Variants in ATP10B observed in about 807,000 individuals in gnomAD.
ATP10B encodes phospholipid-transporting ATPase VB.
In ATP10B, 122 loss-of-function variants were observed where a neutral mutation model predicts 141.2. That is an observed-to-expected ratio of 0.86 (90% CI 0.75 to 1.00). ATP10B has a LOEUF of 1.00. Among genes scored for constraint, ATP10B ranks in the 50% least tolerant of loss-of-function variants. The pLI is 0.00. For missense variants in ATP10B, 1,876 were observed against 1,825.3 expected (o/e 1.03, Z -0.51); for synonymous variants, 685 against 692.0 (o/e 0.99, Z 0.16).
intron 24 of ATP10B, among the ~76,000 whole-genome samples, chr5:160,572,766 G>C (rs1354858321): frequency 1.3e-5 from 2 of 152,200 alleles, no homozygotes; most frequent in East Asian, 3.8e-4. Context: ...GTTTTTAAAA[G>C]TGTAATTAAA....
intron 2 of ATP10B, among the ~76,000 whole-genome samples, chr5:160,763,750 A>AGCT (rs1436477776): frequency 6.6e-6 from 1 of 152,170 alleles, no homozygotes; most frequent in Non-Finnish European, 1.5e-5. Flanking sequence ...AATATGCAAA[A>AGCT]GGTAAATGAT....
chr5:160,619,719 A>G (rs1285851940), intron 15 of ATP10B, among the ~76,000 whole-genome samples: 1 of 152,172 alleles, frequency 6.6e-6, no homozygotes, highest in Non-Finnish European at 1.5e-5. Flanking sequence ...CCAAAATTGG[A>G]CACTGATATG....
intron 11 of ATP10B, among the ~76,000 whole-genome samples, chr5:160,635,826 G>C (rs1375444260): frequency 6.6e-6 from 1 of 152,156 alleles, no homozygotes; most frequent in Non-Finnish European, 1.5e-5. Flanking sequence ...AGAGTTCTCT[G>C]TCGCTCACTG....
the ATP10B span, among the ~76,000 whole-genome samples, chr5:160,858,902 T>C: frequency 5.9e-5 from 9 of 151,944 alleles, no homozygotes; most frequent in Non-Finnish European, 1.0e-4. Flanking sequence ...CCTCTACATA[T>C]ATTTAGAAGC....
At chr5:160,755,789 T>C (rs1401828403) in intron 2 of ATP10B, among the ~76,000 whole-genome samples, 1 of 121,144 alleles carries the variant, frequency 8.3e-6, no homozygotes, top group Admixed American at 1.0e-4. Flanking sequence ...CACTCCAGCC[T>C]GGGCGACAGA....
the ATP10B span, among the ~76,000 whole-genome samples, chr5:160,927,859 G>A: frequency 2.6e-5 from 4 of 152,202 alleles, no homozygotes; most frequent in African/African-American, 9.6e-5. Context: ...GGAATTGGGG[G>A]CAGTATTTTA....
At chr5:160,882,255 T>C in the ATP10B span, among the ~76,000 whole-genome samples, 1 of 151,786 alleles carries the variant, frequency 6.6e-6, no homozygotes, top group African/African-American at 2.4e-5. Flanking sequence ...AAACGTAGAG[T>C]TGGGATACTT....
chr5:160,732,604 T>C (rs1206554805), intron 2 of ATP10B, among the ~76,000 whole-genome samples: 2 of 152,204 alleles, frequency 1.3e-5, no homozygotes, highest in Admixed American at 1.3e-4. Flanking sequence ...AGTCAGTTGG[T>C]TGTAAATATG....
Position 160,687,825 on chromosome 5 carries a change from G to A in ATP10B, c.250C>T (p.Arg84Trp), listed in dbSNP as rs752879997. The change falls in exon 5 of 26, where the codon CGG becomes TGG. Residue 84 changes from arginine to tryptophan, a missense_variant. By Grantham distance (101) the Arg-to-Trp change is moderately radical. Coordinates refer to ENST00000327245, the MANE Select transcript of ATP10B (RefSeq NM_025153.3). Reference protein sequence around the residue: ...TKYTLFTFLPRNLFEQFHRWA... With the variant: ...TKYTLFTFLPWNLFEQFHRWA... Reference sequence around the variant, plus strand: ...CTATGAAATTGCTCAAAGAGATTCCGGGGCAGGAAGGTGAAGAGGGTGTAT... The same window carrying A: ...CTATGAAATTGCTCAAAGAGATTCCAGGGCAGGAAGGTGAAGAGGGTGTAT... 1.2e-5 allele frequency: 20 copies of A among 1,613,880 alleles called. No individual in the cohort carries two copies. In the East Asian group the frequency reaches 2.2e-4, roughly 18 times the overall value.
chr5:160,835,493 T>C (rs771969386), intron 1 of ATP10B, among the ~76,000 whole-genome samples: 49 of 152,242 alleles, frequency 3.2e-4, no homozygotes, highest in Non-Finnish European at 5.3e-4. Flanking sequence ...CCCACCTGCA[T>C]TGGGAATAAG....
At chr5:160,860,722 A>G in the ATP10B span, among the ~76,000 whole-genome samples, 11 of 152,020 alleles carry the variant, frequency 7.2e-5, no homozygotes, top group Non-Finnish European at 1.0e-4. Flanking sequence ...ATATCACACA[A>G]TGGTAAAAAT....
chr5:160,806,371 A>T (rs1335962105), intron 1 of ATP10B, among the ~76,000 whole-genome samples: 1 of 152,242 alleles, frequency 6.6e-6, no homozygotes, highest in East Asian at 1.9e-4. Flanking sequence ...TCAGCATAAC[A>T]TCTGAAAAAC....
At chr5:160,653,756 AAT>A (rs576924903) in intron 7 of ATP10B, among the ~76,000 whole-genome samples, 4,672 of 122,268 alleles carry the variant, frequency 0.038, 127 homozygotes, top group African/African-American at 0.064. Context: ...CATATACATA[AAT>A]ATATATAATA....
intron 1 of ATP10B, among the ~76,000 whole-genome samples, chr5:160,829,598 C>T (rs567500244): frequency 4.4e-4 from 67 of 152,086 alleles, no homozygotes; most frequent in African/African-American, 1.0e-3. Flanking sequence ...TCCATGAGTA[C>T]GTAACATTTT....
At chr5:160,834,084 G>A (rs978475313) in intron 1 of ATP10B, among the ~76,000 whole-genome samples, 4 of 152,032 alleles carry the variant, frequency 2.6e-5, no homozygotes, top group African/African-American at 9.7e-5. Context: ...CAGTTCTTTG[G>A]GAGGCTGAGG....
the ATP10B span, among the ~76,000 whole-genome samples, chr5:160,863,092 G>A: frequency 2.0e-5 from 3 of 151,938 alleles, no homozygotes; most frequent in Non-Finnish European, 2.9e-5. Context: ...GTGCTTATTT[G>A]AACCTCAGGC....
At chr5:160,679,238 C>A (rs6868810) in intron 6 of ATP10B, among the ~76,000 whole-genome samples, 1 of 152,152 alleles carries the variant, frequency 6.6e-6, no homozygotes, top group South Asian at 2.1e-4. Context: ...CTCGGTGCTA[C>A]GCTGTCAGAA....
intron 1 of ATP10B, among the ~76,000 whole-genome samples, chr5:160,790,932 T>A (rs1398546028): frequency 1.3e-5 from 2 of 152,036 alleles, no homozygotes; most frequent in African/African-American, 4.8e-5. Flanking sequence ...TACACGATGA[T>A]GAAAGAAGCA....
At chr5:160,810,546 G>T (rs1401268563) in intron 1 of ATP10B, among the ~76,000 whole-genome samples, 1 of 152,020 alleles carries the variant, frequency 6.6e-6, no homozygotes, top group Non-Finnish European at 1.5e-5. Flanking sequence ...TCTCTAATTT[G>T]GGTGGTGGGT....
Sources: gnomAD v4.1 joint callset for allele counts (sites outside exome capture counted in the v4.1 genomes callset) on GRCh38, gnomAD v4.1.1 for gene constraint, MANE v1.5 for transcripts, NCBI Gene and HGNC (gene_info 2026-07-23, HGNC 2026-07-21) for gene names.